RIC8B: variants seen among roughly 807,000 people sequenced by gnomAD.
RIC8B encodes the protein chaperone Ric-8B.
RIC8B carries 16 observed loss-of-function variants against 57.5 expected under a neutral mutation model. The ratio of observed to expected loss-of-function variants is 0.28; its 90% CI spans 0.19 to 0.42. The LOEUF is 0.42. RIC8B is among the 10% of genes least tolerant of loss of function. The pLI, the probability that RIC8B is intolerant of heterozygous loss-of-function variation, is 1.00. For synonymous variants in RIC8B, 216 were observed against 250.8 expected (o/e 0.86, Z 1.31); for missense variants, 481 against 677.0 (o/e 0.71, Z 3.21).
At chr12:106,790,480 C>A (rs773118098) in intron 2 of RIC8B, among the ~76,000 whole-genome samples, 2 of 152,130 alleles carry the variant, frequency 1.3e-5, no homozygotes, top group Non-Finnish European at 2.9e-5. Context: ...GATAAAAGCA[C>A]CTGTGTTTAT....
chr12:106,877,754 C>T lies in RIC8B; in HGVS notation c.1571+6812C>T, dbSNP rs577606518. Among the ~76,000 whole-genome samples, 5 of 152,286 alleles carry T rather than the reference C, an allele frequency of 3.3e-5. No individual in the cohort carries two copies. The South Asian group carries it at 1.0e-3, about 32-fold the overall frequency. ...AAGTTGCTCAACCCGCAGCCCAGGA[C>T]GCTTTTGAATGCGGCCCAACACAAG... On this transcript the variant is annotated intron_variant, in intron 9 of 9. Transcript: ENST00000392837.
At chr12:106,852,473 C>T (rs566048025) in intron 7 of RIC8B, among the ~76,000 whole-genome samples, 1 of 152,204 alleles carries the variant, frequency 6.6e-6, no homozygotes, top group Non-Finnish European at 1.5e-5. Context: ...ATTGATCCAA[C>T]CACTTAAGTT....
intron 4 of RIC8B, among the ~76,000 whole-genome samples, chr12:106,826,161 C>A (rs2046090487): frequency 6.6e-6 from 1 of 152,146 alleles, no homozygotes; most frequent in South Asian, 2.1e-4. Flanking sequence ...GTGCTAAGTG[C>A]TTTATAACGA....
rs188824710 is a variant in RIC8B, at chr12:106,813,710, T to G, written c.133-986T>G. Among the ~76,000 whole-genome samples, 4 of 152,250 alleles carry G rather than the reference T, an allele frequency of 2.6e-5. No homozygotes were observed. In the East Asian group the frequency reaches 7.7e-4, roughly 29 times the overall value. On this transcript the variant is annotated intron_variant, in intron 2 of 9. Transcript: ENST00000392837. The stretch of plus-strand genomic sequence containing the variant: ...TGAAGAATTAAGTCTGATGATAGAT[T>G]AATAGAAATTTTGTAAAATCTTATA...
At chr12:106,834,985 A>G in intron 4 of RIC8B, among the ~76,000 whole-genome samples, 1 of 142,964 alleles carries the variant, frequency 7.0e-6, no homozygotes, top group East Asian at 2.0e-4. Flanking sequence ...CTCTGTCTCA[A>G]AAAAAAAAAA....
At chr12:106,877,142 A>T (rs994179461) in intron 9 of RIC8B, among the ~76,000 whole-genome samples, 9 of 152,080 alleles carry the variant, frequency 5.9e-5, no homozygotes, top group African/African-American at 2.2e-4. Context: ...ATTTAAAAAA[A>T]ACTAATATTT....
chr12:106,794,289 A>C (rs71452925), intron 2 of RIC8B, among the ~76,000 whole-genome samples: 1 of 152,172 alleles, frequency 6.6e-6, no homozygotes, highest in Admixed American at 6.5e-5. Context: ...ATAAAGAAAA[A>C]CGAAGAGAGC....
intron 4 of RIC8B, among the ~76,000 whole-genome samples, chr12:106,840,965 C>A (rs193033966): frequency 6.6e-6 from 1 of 152,084 alleles, no homozygotes; most frequent in African/African-American, 2.4e-5. Context: ...GAGTTATTTC[C>A]CCCCTTTTAT....
intron 2 of RIC8B, among the ~76,000 whole-genome samples, chr12:106,792,143 C>T (rs116043204): frequency 5.8e-4 from 89 of 152,254 alleles, no homozygotes; most frequent in African/African-American, 2.0e-3. Context: ...ACATCTAAAC[C>T]TTTTACTTTT....
chr12:106,808,280 T>C (rs888156242), intron 2 of RIC8B, among the ~76,000 whole-genome samples: 1 of 152,198 alleles, frequency 6.6e-6, no homozygotes, highest in African/African-American at 2.4e-5. Flanking sequence ...CACTTTATAT[T>C]AGGGACTTGA....
intron 2 of RIC8B, among the ~76,000 whole-genome samples, chr12:106,793,330 A>G (rs1268260720): frequency 1.3e-5 from 2 of 152,248 alleles, no homozygotes; most frequent in African/African-American, 2.4e-5. Context: ...AGCAAGCCTT[A>G]TAAAAGAGAG....
At chr12:106,782,609 G>A (rs994511805) in intron 1 of RIC8B, among the ~76,000 whole-genome samples, 5 of 152,178 alleles carry the variant, frequency 3.3e-5, no homozygotes, top group Admixed American at 6.5e-5. Flanking sequence ...TACCACCTGA[G>A]TTCATTCCTT....
chr12:106,883,888 G>T (rs746329245), intron 9 of RIC8B, among the ~76,000 whole-genome samples: 5 of 152,136 alleles, frequency 3.3e-5, no homozygotes, highest in Non-Finnish European at 7.3e-5. Context: ...AACTACCCTT[G>T]CAGCCTTACC....
At chr12:106,844,454 A>T (rs1292775487) in intron 6 of RIC8B, among the ~76,000 whole-genome samples, 1 of 152,188 alleles carries the variant, frequency 6.6e-6, no homozygotes, top group Non-Finnish European at 1.5e-5. Flanking sequence ...ACACTTAAGG[A>T]AAAGCAAGAA....
intron 3 of RIC8B, 74 bp from the exon 4 acceptor site, chr12:106,825,652 A>T: frequency 9.7e-7 from 1 of 1,035,838 alleles, no homozygotes; most frequent in East Asian, 2.4e-5. Context: ...TGGGCAAGAG[A>T]TGTAGTAAAG....
chr12:106,828,743 T>C (rs1021813310), intron 4 of RIC8B, among the ~76,000 whole-genome samples: 2 of 152,242 alleles, frequency 1.3e-5, no homozygotes, highest in Admixed American at 6.5e-5. Context: ...ATTAGTATTA[T>C]GATAAACATA....
intron 3 of RIC8B, among the ~76,000 whole-genome samples, chr12:106,815,768 G>C (rs1246685018): frequency 6.6e-6 from 1 of 152,182 alleles, no homozygotes; most frequent in Non-Finnish European, 1.5e-5. Context: ...CTCTGTGTAT[G>C]CCTGTTGTCC....
chr12:106,788,260 T>G (rs2044120110), intron 2 of RIC8B, among the ~76,000 whole-genome samples: 1 of 152,216 alleles, frequency 6.6e-6, no homozygotes, highest in Non-Finnish European at 1.5e-5. Flanking sequence ...GCTCCACGCC[T>G]GTGGCTTTGC....
intron 4 of RIC8B, among the ~76,000 whole-genome samples, chr12:106,826,476 G>A (rs569611687): frequency 2.6e-5 from 4 of 152,258 alleles, no homozygotes; most frequent in South Asian, 2.1e-4. Context: ...AAAATAGGCC[G>A]GGTGTGGTGG....
Sources: allele counts gnomAD v4.1 joint callset (sites outside exome capture counted in the v4.1 genomes callset), GRCh38; gene constraint gnomAD v4.1.1; transcripts MANE v1.5; gene names NCBI Gene and HGNC (gene_info 2026-07-23, HGNC 2026-07-21).